Variants in RICTOR observed in about 807,000 individuals in gnomAD.
RICTOR encodes rapamycin-insensitive companion of mTOR.
RICTOR carries 49 observed loss-of-function variants against 214.9 expected under a neutral mutation model. That is an observed-to-expected ratio of 0.23 (90% CI 0.18 to 0.29). RICTOR has a LOEUF of 0.29. Among genes scored for constraint, RICTOR ranks in the 10% least tolerant of loss-of-function variants. The pLI is 1.00. For missense variants in RICTOR, 1,625 were observed against 2,047.0 expected (o/e 0.79, Z 3.98); for synonymous variants, 717 against 711.3 (o/e 1.01, Z -0.13).
At chr5:38,968,167 C>T in intron 11 of RICTOR, 137 bp from the exon 12 acceptor site, 4 of 612,396 alleles carry the variant, frequency 6.5e-6, no homozygotes, top group Non-Finnish European at 1.2e-5. Flanking sequence ...ATATTTTAGT[C>T]AATGATGGAC....
intron 10 of RICTOR, among the ~76,000 whole-genome samples, chr5:38,974,500 G>A (rs1751046816): frequency 6.6e-6 from 1 of 152,094 alleles, no homozygotes; most frequent in African/African-American, 2.4e-5. Context: ...TAGGATGCAG[G>A]ATAGAATTAA....
At chr5:39,060,172 C>G (rs1758447242) in intron 2 of RICTOR, among the ~76,000 whole-genome samples, 1 of 152,062 alleles carries the variant, frequency 6.6e-6, no homozygotes, top group South Asian at 2.1e-4. Context: ...CATACTTCAC[C>G]TACTCTGAAC....
At chr5:39,041,024 G>T (rs1159310935) in intron 2 of RICTOR, among the ~76,000 whole-genome samples, 1 of 152,214 alleles carries the variant, frequency 6.6e-6, no homozygotes, top group East Asian at 1.9e-4. Context: ...GACAAGTTGA[G>T]AATAGGAAAC....
intron 3 of RICTOR, among the ~76,000 whole-genome samples, chr5:39,018,719 G>A (rs1282122731): frequency 2.0e-5 from 3 of 151,750 alleles, no homozygotes; most frequent in Non-Finnish European, 1.5e-5. Flanking sequence ...CTCTCTCCTT[G>A]GGCCTATTTC....
chr5:39,013,166 T>C (rs1211189115), intron 3 of RICTOR, among the ~76,000 whole-genome samples: 1 of 152,216 alleles, frequency 6.6e-6, no homozygotes, highest in Non-Finnish European at 1.5e-5. Flanking sequence ...TGAATTAAGT[T>C]TGTTGAATTT....
chr5:39,000,876 C>CT (rs1753563896), intron 5 of RICTOR, among the ~76,000 whole-genome samples: 1 of 151,940 alleles, frequency 6.6e-6, no homozygotes, highest in Non-Finnish European at 1.5e-5. Flanking sequence ...TACATTAATA[C>CT]TATCAGAAAA....
intron 17 of RICTOR, 116 bp from the exon 18 acceptor site, chr5:38,962,702 T>C (rs1457520032): frequency 3.7e-6 from 3 of 800,092 alleles, no homozygotes; most frequent in Middle Eastern, 3.6e-4. Flanking sequence ...TAGATCAAGG[T>C]TTTTTAACTT....
At chr5:39,042,146 T>C (rs1757220103) in intron 2 of RICTOR, among the ~76,000 whole-genome samples, 2 of 152,056 alleles carry the variant, frequency 1.3e-5, no homozygotes, top group South Asian at 4.1e-4. Context: ...TTATGCACAC[T>C]GAAATATGAA....
chr5:38,964,571 C>A (rs1750060054), intron 16 of RICTOR, among the ~76,000 whole-genome samples: 1 of 151,818 alleles, frequency 6.6e-6, no homozygotes, highest in Non-Finnish European at 1.5e-5. Flanking sequence ...TGTCTACAAA[C>A]ATGCTAGAAA....
Position 39,021,030 on chromosome 5 carries a change from G to C in RICTOR, c.195+9C>G, listed in dbSNP as rs374262457. Reference sequence around the variant, plus strand: ...ATTTTAGACAATAATAAAAATTCAAGTTACTTACCTTAGTAAAGTTATTCA... The same window carrying C: ...ATTTTAGACAATAATAAAAATTCAACTTACTTACCTTAGTAAAGTTATTCA... On this transcript the variant is annotated intron_variant, in intron 3 of 37. Coordinates refer to ENST00000357387, the MANE Select transcript of RICTOR (RefSeq NM_152756.5). 7.5e-7 allele frequency: 1 copy of C among 1,329,286 alleles called. No homozygotes were observed. The allele number at this position is 1,329,286 out of a possible 1,614,324, so 82.3% of individuals were successfully genotyped here. A position where few individuals can be genotyped will look rare whatever the true frequency, so the allele number is the denominator to read the frequency against.
chr5:39,005,799 A>T (rs1754008491), intron 3 of RICTOR, among the ~76,000 whole-genome samples: 1 of 152,284 alleles, frequency 6.6e-6, no homozygotes, highest in South Asian at 2.1e-4. Flanking sequence ...TGTTGAGTCC[A>T]CGTTAGGTGG....
intron 9 of RICTOR, among the ~76,000 whole-genome samples, chr5:38,977,825 G>A (rs944799199): frequency 1.3e-5 from 2 of 151,784 alleles, no homozygotes; most frequent in East Asian, 1.9e-4. Context: ...GACCTCAGGC[G>A]GTCCACCCGC....
intron 2 of RICTOR, among the ~76,000 whole-genome samples, chr5:39,070,517 T>G (rs10075480): frequency 0.16 from 24,486 of 152,216 alleles, 2,117 homozygotes; most frequent in Middle Eastern, 0.23. Context: ...CTACATCATT[T>G]TGGAACCTTT....
chr5:39,051,684 C>T (rs1023688222), intron 2 of RICTOR, among the ~76,000 whole-genome samples: 5 of 151,772 alleles, frequency 3.3e-5, no homozygotes, highest in Admixed American at 6.6e-5. Context: ...ACCCAGGAGG[C>T]GGAGGCTGCA....
rs764472477 is a variant in RICTOR, at chr5:38,952,368, T to C, written c.2955A>G (p.Leu985=). The change falls in exon 30 of 38, where the codon CTA becomes CTG. Residue 985 remains leucine (L), a synonymous_variant. Transcript: ENST00000357387. The part of the protein sequence containing the change: ...IAKTKQGCDI[L]KCHNWDAVRH... ...TCACAGCATCCCAGTTGTGACATTT[T>C]AGAATATCACAGCCTTGTTTGGTTT... The C allele has an allele frequency of 3.7e-6, 6 of 1,613,044 alleles. No individual in the cohort carries two copies.
At chr5:38,958,098 G>A (rs541350827) in intron 24 of RICTOR, among the ~76,000 whole-genome samples, 1 of 151,992 alleles carries the variant, frequency 6.6e-6, no homozygotes, top group East Asian at 1.9e-4. Flanking sequence ...TTAGCTGGGC[G>A]TGGTGGTGTG....
intron 37 of RICTOR, among the ~76,000 whole-genome samples, chr5:38,942,596 A>G (rs1441777426): frequency 6.6e-6 from 1 of 151,156 alleles, no homozygotes; most frequent in African/African-American, 2.4e-5. Context: ...GAATACAGGC[A>G]GATGACACCA....
At chr5:39,034,983 G>A (rs1035548079) in intron 2 of RICTOR, among the ~76,000 whole-genome samples, 1 of 152,196 alleles carries the variant, frequency 6.6e-6, no homozygotes, top group African/African-American at 2.4e-5. Flanking sequence ...CTCCCAGCAC[G>A]CAGCTGGAGA....
chr5:39,064,536 G>A (rs1447013652), intron 2 of RICTOR, among the ~76,000 whole-genome samples: 1 of 152,130 alleles, frequency 6.6e-6, no homozygotes, highest in Non-Finnish European at 1.5e-5. Flanking sequence ...ATTGAGAATG[G>A]ACTGTATTTA....
Sources: allele counts gnomAD v4.1 joint callset (sites outside exome capture counted in the v4.1 genomes callset), GRCh38; gene constraint gnomAD v4.1.1; transcripts MANE v1.5; gene names NCBI Gene and HGNC (gene_info 2026-07-23, HGNC 2026-07-21).